Variants in USH2A observed in about 807,000 individuals in gnomAD.
USH2A encodes Usher syndrome 2A (autosomal recessive, mild).
Under a neutral mutation model 538.9 loss-of-function variants are expected in USH2A, and 443 were observed. The observed-to-expected ratio is 0.82, with a 90% CI of 0.76 to 0.89. The LOEUF is 0.89. USH2A is among the 40% of genes least tolerant of loss of function. The pLI, the probability that USH2A is intolerant of heterozygous loss-of-function variation, is 0.00. For synonymous variants in USH2A, 2,413 were observed against 2,273.5 expected (o/e 1.06, Z -1.75); for missense variants, 6,633 against 6,324.8 (o/e 1.05, Z -1.65).
At chr1:216,286,086 C>G (rs1451944023) in intron 11 of USH2A, among the ~76,000 whole-genome samples, 1 of 152,038 alleles carries the variant, frequency 6.6e-6, no homozygotes, top group African/African-American at 2.4e-5. Flanking sequence ...CTTGGAAGGG[C>G]ATGATTTTGT....
intron 13 of USH2A, among the ~76,000 whole-genome samples, chr1:216,233,808 T>C (rs934081152): frequency 2.0e-5 from 3 of 152,114 alleles, no homozygotes; most frequent in African/African-American, 7.2e-5. Context: ...TATCAGGCAG[T>C]TGAATGTGGA....
intron 7 of USH2A, 97 bp downstream of exon 7, chr1:216,324,071 G>A (rs2037675063): frequency 1.3e-5 from 18 of 1,342,696 alleles, no homozygotes; most frequent in Non-Finnish European, 1.4e-5. Context: ...GAAGTTGGTG[G>A]TGAAGGGAAG....
chr1:215,912,477 GTATATATATATATGTGTA>G (rs1665820458), intron 38 of USH2A, among the ~76,000 whole-genome samples: 4 of 15,412 alleles, frequency 2.6e-4, no homozygotes, highest in South Asian at 2.2e-3. Flanking sequence ...ATATATATAC[GTATATATATATATGTGTA>G]TATATATATA....
chr1:216,216,087 C>A (rs2102494254), intron 15 of USH2A, among the ~76,000 whole-genome samples: 1 of 152,040 alleles, frequency 6.6e-6, no homozygotes, highest in Non-Finnish European at 1.5e-5. Context: ...AACTCATATC[C>A]AAAAGGAATA....
intron 21 of USH2A, among the ~76,000 whole-genome samples, chr1:216,173,568 C>T (rs2034313162): frequency 6.6e-6 from 1 of 152,164 alleles, no homozygotes; most frequent in African/African-American, 2.4e-5. Context: ...CCAGTGTTTA[C>T]AGCCTAACTT....
intron 58 of USH2A, among the ~76,000 whole-genome samples, 153 bp downstream of exon 58, chr1:215,758,442 C>CA (rs1660876488): frequency 3.3e-5 from 5 of 152,148 alleles, no homozygotes; most frequent in African/African-American, 1.2e-4. Flanking sequence ...CGTCTATACA[C>CA]TTAGAAGTGT....
At chr1:215,953,270 C>T (rs1490732440) in intron 37 of USH2A, among the ~76,000 whole-genome samples, 1 of 152,112 alleles carries the variant, frequency 6.6e-6, no homozygotes, top group Non-Finnish European at 1.5e-5. Context: ...CAATCCTAAG[C>T]CAAAAGAACA....
intron 21 of USH2A, among the ~76,000 whole-genome samples, chr1:216,111,898 G>A (rs1029287329): frequency 6.6e-6 from 1 of 151,370 alleles, no homozygotes; most frequent in Non-Finnish European, 1.5e-5. Context: ...GCTCAGAGAT[G>A]GATTTCCATG....
rs527961083 is a variant in USH2A, at chr1:216,027,907, A to G, written c.6325+18524T>C. ...TTCCCATCATTCTTTTACTTTAAAC[A>G]TCTGGTAGAAATTTACGATTTGGGA... On this transcript the variant is annotated intron_variant, in intron 32 of 71. Coordinates refer to ENST00000307340, the MANE Select transcript of USH2A (RefSeq NM_206933.4). Among the ~76,000 whole-genome samples, 3 of 152,354 alleles carry G rather than the reference A, an allele frequency of 2.0e-5. No individual in the cohort carries two copies. The South Asian group carries it at 6.2e-4, about 32-fold the overall frequency.
At chr1:215,981,231 T>C (rs1473220518) in intron 35 of USH2A, among the ~76,000 whole-genome samples, 1 of 152,158 alleles carries the variant, frequency 6.6e-6, no homozygotes, top group Non-Finnish European at 1.5e-5. Context: ...TTTTCTTCTT[T>C]TGTGAAATGA....
At chr1:215,987,794 G>A (rs1018106482) in intron 35 of USH2A, among the ~76,000 whole-genome samples, 1 of 152,152 alleles carries the variant, frequency 6.6e-6, no homozygotes, top group African/African-American at 2.4e-5. Flanking sequence ...ATGAGGTCAC[G>A]TTCCACTGAA....
intron 38 of USH2A, among the ~76,000 whole-genome samples, chr1:215,914,794 G>A (rs1017601950): frequency 3.9e-5 from 6 of 152,160 alleles, no homozygotes; most frequent in African/African-American, 1.2e-4. Context: ...AGGACCTAGA[G>A]TTATGCCTGG....
chr1:216,421,890 G>A lies in USH2A; in HGVS notation c.447C>T (p.Thr149=), dbSNP rs2039682500. 6.2e-7 allele frequency: 1 copy of A among 1,613,890 alleles called. No individual in the cohort carries two copies. Among genetic ancestry groups the A allele is most frequent in the Non-Finnish European group, 8.5e-7 (1 of 1,179,886 alleles). The part of the protein sequence containing the change: ...PPSPKLMASF[T]LAVWLKPEQQ... The stretch of plus-strand genomic sequence containing the variant: ...GCTCAGGTTTCAGCCATACAGCTAA[G>A]GTAAATGATGCCATCAGCTTTGGAG... The change falls in exon 2 of 72, where the codon ACC becomes ACT. Residue 149 remains threonine (T), a synonymous_variant. Transcript: ENST00000307340.
At chr1:215,754,463 T>C (rs1660724404) in intron 58 of USH2A, among the ~76,000 whole-genome samples, 1 of 152,144 alleles carries the variant, frequency 6.6e-6, no homozygotes, top group African/African-American at 2.4e-5. Context: ...GACATTTTTT[T>C]TCCCAGCAGC....
rs12091017 is a variant in USH2A at position 215,878,018 on chromosome 1, G to A, written c.8559-138C>T. 5,747 of 1,266,036 alleles carry A rather than the reference G, an allele frequency of 4.5e-3. 60 individuals are homozygous for A. Among genetic ancestry groups the A allele is most frequent in the African/African-American group, 0.044 (2,920 of 66,216 alleles). The allele number at this position is 1,266,036 out of a possible 1,614,324, so 78.4% of individuals were successfully genotyped here. A position where few individuals can be genotyped will look rare whatever the true frequency, so the allele number is the denominator to read the frequency against. On this transcript the variant is annotated intron_variant, in intron 42 of 71. Transcript: ENST00000307340. ...AATAACATCTTAAGTTTACAGTTAC[G>A]TGGTTTTGTTTCAGATGAACGTTTT... is the stretch of plus-strand genomic sequence containing the variant.
At chr1:216,252,022 G>C (rs1164910999) in intron 11 of USH2A, among the ~76,000 whole-genome samples, 3 of 151,998 alleles carry the variant, frequency 2.0e-5, no homozygotes, top group Non-Finnish European at 4.4e-5. Flanking sequence ...TTTATATTGT[G>C]ATAAGAAATT....
chr1:215,705,755 C>A (rs151261465), intron 61 of USH2A, among the ~76,000 whole-genome samples: 221 of 152,238 alleles, frequency 1.5e-3, no homozygotes, highest in African/African-American at 5.0e-3. Flanking sequence ...TGACTGCAGT[C>A]GACCAGCAAT....
chr1:216,188,837 G>A (rs1235917828), intron 20 of USH2A, among the ~76,000 whole-genome samples: 1 of 151,834 alleles, frequency 6.6e-6, no homozygotes, highest in African/African-American at 2.4e-5. Context: ...CCACGTGCTT[G>A]GGATCCCTAT....
At chr1:216,211,686 C>T (rs1173899530) in intron 15 of USH2A, among the ~76,000 whole-genome samples, 1 of 152,096 alleles carries the variant, frequency 6.6e-6, no homozygotes, top group Non-Finnish European at 1.5e-5. Flanking sequence ...AGTCTATATG[C>T]CTATTTAGAC....
Sources: allele counts gnomAD v4.1 joint callset (sites outside exome capture counted in the v4.1 genomes callset), GRCh38; gene constraint gnomAD v4.1.1; transcripts MANE v1.5; gene names NCBI Gene and HGNC (gene_info 2026-07-23, HGNC 2026-07-21).